The following KCNIP4 variants were observed in gnomAD, a reference collection of about 807,000 sequenced individuals.
KCNIP4 encodes Kv channel-interacting protein 4.
Under a neutral mutation model 34.0 loss-of-function variants are expected in KCNIP4, and 12 were observed. That is an observed-to-expected ratio of 0.35 (90% CI 0.23 to 0.57). The LOEUF (loss-of-function observed/expected upper bound fraction) is 0.57, where lower values mean the gene tolerates loss of function less well. Among genes scored for constraint, KCNIP4 ranks in the 20% least tolerant of loss-of-function variants. The probability of loss-of-function intolerance (pLI) is 0.83; values close to 1 mark genes in which losing one functional copy is unlikely to be tolerated. For synonymous variants in KCNIP4, 124 were observed against 102.2 expected (o/e 1.21, Z -1.29); for missense variants, 238 against 311.7 (o/e 0.76, Z 1.78).
chr4:20,977,410 T>A (rs1438147890), intron 1 of KCNIP4, among the ~76,000 whole-genome samples: 1 of 152,158 alleles, frequency 6.6e-6, no homozygotes, highest in Admixed American at 6.5e-5. Context: ...CTCTGCAGCA[T>A]GTATTCTCTC....
At chr4:21,704,602 GA>G (rs1713122623) in intron 1 of KCNIP4, among the ~76,000 whole-genome samples, 1 of 152,120 alleles carries the variant, frequency 6.6e-6, no homozygotes, top group African/African-American at 2.4e-5. Flanking sequence ...GTAAGCACAT[GA>G]AAAGATATTT....
At chr4:21,835,526 G>A (rs1723263171) in intron 1 of KCNIP4, among the ~76,000 whole-genome samples, 3 of 148,360 alleles carry the variant, frequency 2.0e-5, no homozygotes. Context: ...ATTATTAGGA[G>A]TGCGGAAAAT....
At chr4:21,835,663 A>G (rs1400831387) in intron 1 of KCNIP4, among the ~76,000 whole-genome samples, 1 of 152,090 alleles carries the variant, frequency 6.6e-6, no homozygotes, top group Non-Finnish European at 1.5e-5. Context: ...TACAAATTAA[A>G]TTATCGGTAT....
intron 1 of KCNIP4, among the ~76,000 whole-genome samples, chr4:21,586,367 T>C (rs956112246): frequency 7.2e-5 from 11 of 152,022 alleles, no homozygotes; most frequent in Admixed American, 2.0e-4. Context: ...AATAAACTTA[T>C]GAATAAAAGA....
At chr4:21,203,989 A>G (rs1417318363) in intron 1 of KCNIP4, among the ~76,000 whole-genome samples, 1 of 152,176 alleles carries the variant, frequency 6.6e-6, no homozygotes, top group Non-Finnish European at 1.5e-5. Context: ...AGTGTTGTAG[A>G]TGAAATGAGA....
At chr4:21,358,106 G>A (rs1220862472) in intron 1 of KCNIP4, among the ~76,000 whole-genome samples, 1 of 152,038 alleles carries the variant, frequency 6.6e-6, no homozygotes. Flanking sequence ...ACTCATAGGT[G>A]GGAATTAAAC....
intron 1 of KCNIP4, among the ~76,000 whole-genome samples, chr4:20,941,090 C>CT (rs1320558704): frequency 6.6e-6 from 1 of 152,176 alleles, no homozygotes; most frequent in African/African-American, 2.4e-5. Flanking sequence ...TTGAATTCCC[C>CT]TTTCCCCATG....
chr4:20,895,775 G>T (rs1226507447), intron 1 of KCNIP4, among the ~76,000 whole-genome samples: 2 of 152,200 alleles, frequency 1.3e-5, no homozygotes, highest in Non-Finnish European at 2.9e-5. Flanking sequence ...GGCCATGATT[G>T]CTCATTAGAA....
At chr4:20,819,824 T>C (rs1349270522) in intron 3 of KCNIP4, among the ~76,000 whole-genome samples, 3 of 152,180 alleles carry the variant, frequency 2.0e-5, no homozygotes, top group Non-Finnish European at 4.4e-5. Flanking sequence ...AGGATGCACT[T>C]CCAAAGTGCC....
intron 1 of KCNIP4, chr4:21,304,001 T>TA: frequency 7.5e-7 from 1 of 1,342,126 alleles, no homozygotes; most frequent in Non-Finnish European, 9.7e-7. Context: ...AGAAGGCTAC[T>TA]GCTGGAGAAA....
At chr4:21,201,282 A>C (rs1479468054) in intron 1 of KCNIP4, among the ~76,000 whole-genome samples, 1 of 152,212 alleles carries the variant, frequency 6.6e-6, no homozygotes, top group African/African-American at 2.4e-5. Context: ...TTATTGCTAC[A>C]ATCAAGAGGT....
chr4:21,514,982 G>A (rs550571196), intron 1 of KCNIP4, among the ~76,000 whole-genome samples: 24 of 152,132 alleles, frequency 1.6e-4, no homozygotes, highest in African/African-American at 5.5e-4. Context: ...ATTTGATTTA[G>A]CCACTACCTA....
chr4:21,022,519 T>A (rs2149750405), intron 1 of KCNIP4, among the ~76,000 whole-genome samples: 1 of 152,356 alleles, frequency 6.6e-6, no homozygotes, highest in Non-Finnish European at 1.5e-5. Context: ...ATATACAAGG[T>A]GGTGCCTTTG....
chr4:21,664,537 G>A (rs190143521), intron 1 of KCNIP4, among the ~76,000 whole-genome samples: 11 of 152,224 alleles, frequency 7.2e-5, no homozygotes, highest in African/African-American at 2.2e-4. Context: ...GAGTTAAAGA[G>A]TTTGGAATGT....
intron 1 of KCNIP4, among the ~76,000 whole-genome samples, chr4:21,252,756 C>CTTTTTTTTTTTTTT (rs5856614): frequency 7.6e-6 from 1 of 132,278 alleles, no homozygotes; most frequent in Admixed American, 7.6e-5. Context: ...GGCAAATCCT[C>CTTTTTTTTTTTTTT]TTTTTTTTTT....
At chr4:21,129,790 C>A (rs1424621431) in intron 1 of KCNIP4, among the ~76,000 whole-genome samples, 1 of 151,766 alleles carries the variant, frequency 6.6e-6, no homozygotes, top group Non-Finnish European at 1.5e-5. Flanking sequence ...AGTGGATTCG[C>A]TAAGTTTGCT....
intron 1 of KCNIP4, among the ~76,000 whole-genome samples, chr4:21,540,091 T>C (rs1292633860): frequency 6.6e-6 from 1 of 152,176 alleles, no homozygotes. Context: ...AGTCACGCAT[T>C]ATTATAACCA....
intron 1 of KCNIP4, among the ~76,000 whole-genome samples, chr4:21,865,927 T>A (rs1725387005): frequency 3.3e-5 from 4 of 122,718 alleles, no homozygotes; most frequent in African/African-American, 2.5e-5. Flanking sequence ...ATATGGTGTC[T>A]CATATATATA....
intron 1 of KCNIP4, among the ~76,000 whole-genome samples, chr4:21,449,292 T>TATA (rs1454266040): frequency 1.3e-5 from 2 of 152,202 alleles, no homozygotes; most frequent in Non-Finnish European, 2.9e-5. Context: ...ATCTTATGCC[T>TATA]ATAACCATGA....
Sources: allele counts gnomAD v4.1 joint callset (sites outside exome capture counted in the v4.1 genomes callset), GRCh38; gene constraint gnomAD v4.1.1; transcripts MANE v1.5; gene names NCBI Gene and HGNC (gene_info 2026-07-23, HGNC 2026-07-21).